RPRD2: variants seen among roughly 807,000 people sequenced by gnomAD.
RPRD2 encodes the protein regulation of nuclear pre-mRNA domain containing 2.
A neutral mutation model predicts 104.4 loss-of-function variants in RPRD2; 12 were observed. The observed-to-expected ratio is 0.11, with a 90% CI of 0.07 to 0.19. The LOEUF (loss-of-function observed/expected upper bound fraction) is 0.19, where lower values mean the gene tolerates loss of function less well. Ranked by LOEUF, RPRD2 falls within the 10% of genes least tolerant of loss-of-function variation. RPRD2 has a pLI of 1.00. For missense variants in RPRD2, 1,543 were observed against 1,790.1 expected (o/e 0.86, Z 2.49); for synonymous variants, 714 against 684.9 (o/e 1.04, Z -0.66).
intron 10 of RPRD2, among the ~76,000 whole-genome samples, chr1:150,468,278 C>T (rs1406630194): frequency 1.3e-5 from 2 of 150,756 alleles, no homozygotes; most frequent in East Asian, 4.0e-4. Context: ...TCACTTGAGG[C>T]CAGGAGTTTG....
At position 150,470,662 on chromosome 1, in the gene RPRD2, A is replaced by G. The variant is rs777781351; in HGVS notation, c.1714A>G (p.Thr572Ala). The G allele has an allele frequency of 1.2e-6, 2 of 1,613,976 alleles. No homozygotes were observed. The highest frequency in any genetic ancestry group is 1.7e-6 in the Non-Finnish European group (2 of 1,179,878). ...CTCCCCTGCCAACACCACAGTCTCT[A>G]CCATAAAGGGAAGAAATCTGCCCTC... is the stretch of plus-strand genomic sequence containing the variant. The part of the protein sequence containing the change: ...SASPANTTVS[T>A]IKGRNLPSSA... The change falls in exon 11 of 11, where the codon ACC (threonine) becomes GCC (alanine). Residue 572 changes from threonine to alanine, a missense_variant. By Grantham distance (58) the Thr-to-Ala change is moderately conservative. Transcript: ENST00000369068.
chr1:150,369,567 C>T (rs587665564), intron 1 of RPRD2, among the ~76,000 whole-genome samples: 39 of 141,202 alleles, frequency 2.8e-4, no homozygotes, highest in African/African-American at 9.9e-4. Flanking sequence ...CGCCATTCTC[C>T]TGCCTCAGCC....
chr1:150,425,022 A>G (rs935751303), intron 2 of RPRD2, among the ~76,000 whole-genome samples: 1 of 152,182 alleles, frequency 6.6e-6, no homozygotes, highest in African/African-American at 2.4e-5. Flanking sequence ...GTTTAAGACC[A>G]TAGTCTCTGG....
At chr1:150,388,940 T>C (rs1417077697) in intron 1 of RPRD2, among the ~76,000 whole-genome samples, 1 of 152,104 alleles carries the variant, frequency 6.6e-6, no homozygotes, top group African/African-American at 2.4e-5. Flanking sequence ...TTTTATGAAT[T>C]GCCTTAGTTT....
intron 1 of RPRD2, among the ~76,000 whole-genome samples, chr1:150,381,863 T>C (rs1661161129): frequency 6.6e-6 from 1 of 152,078 alleles, no homozygotes; most frequent in Non-Finnish European, 1.5e-5. Flanking sequence ...TATTGTACTG[T>C]TGTATGTTGG....
intron 2 of RPRD2, among the ~76,000 whole-genome samples, chr1:150,431,778 G>A (rs1665615760): frequency 6.6e-6 from 1 of 151,976 alleles, no homozygotes; most frequent in African/African-American, 2.4e-5. Context: ...ACTGCGCCCG[G>A]CCAAAAAGGA....
intron 1 of RPRD2, among the ~76,000 whole-genome samples, chr1:150,405,693 A>G (rs899907626): frequency 7.2e-5 from 11 of 152,180 alleles, no homozygotes; most frequent in Non-Finnish European, 1.6e-4. Flanking sequence ...CTGGTTAACC[A>G]TGCCTAAAAT....
chr1:150,417,495 AAAAT>A, intron 1 of RPRD2, 97 bp from the exon 2 acceptor site: 3 of 995,122 alleles, frequency 3.0e-6, no homozygotes, highest in Non-Finnish European at 4.2e-6. Flanking sequence ...TAAGAAAAAA[AAAAT>A]AACCAGTTAC....
chr1:150,364,666 C>A lies in RPRD2; in HGVS notation c.-49C>A. The A allele has an allele frequency of 9.1e-7, 1 of 1,104,070 alleles. No homozygotes were observed. Among genetic ancestry groups the A allele is most frequent in the Non-Finnish European group, 1.3e-6 (1 of 771,330 alleles). 68.4% of individuals were successfully genotyped at this position (1,104,070 alleles called of 1,614,324 possible). A position where few individuals can be genotyped will look rare whatever the true frequency, so the allele number is the denominator to read the frequency against. On this transcript the variant is annotated 5_prime_UTR_variant, in exon 1 of 11. Coordinates refer to ENST00000369068, the MANE Select transcript of RPRD2 (RefSeq NM_015203.5). ...TTGTTTTGCCCGCTCCCGCCGCCGC[C>A]GCCGCCGCCGCCGCCAGAGGAGCAG...
rs1388295948 is a variant in RPRD2 at position 150,387,566 on chromosome 1, CCTTTTTTT to C, written c.205+22648_205+22655del. ...TAAATCTTACAGAAGTTGCAACAGA[CCTTTTTTT>C]TTTTTTTTTTTTTTTTTTTTTTTTT... On this transcript the variant is annotated intron_variant, in intron 1 of 10. Transcript: ENST00000369068. 4.5e-3 allele frequency among the ~76,000 whole-genome samples: 318 copies of C among 70,106 alleles called. 28 individuals carry two copies. In the Middle Eastern group the frequency reaches 0.049, roughly 11 times the overall value. The allele number at this position is 70,106 out of a possible 152,430, so 46.0% of individuals were successfully genotyped here. A position where few individuals can be genotyped will look rare whatever the true frequency, so the allele number is the denominator to read the frequency against.
rs1553896876 is a variant in RPRD2 at position 150,452,661 on chromosome 1, C to CCTTTTT, written c.871-4627_871-4626insCTTTTT. Among the ~76,000 whole-genome samples, 3 of 71,234 alleles carry CCTTTTT rather than the reference C, an allele frequency of 4.2e-5. 1 individual carries two copies. The highest frequency in any genetic ancestry group is 1.7e-4 in the African/African-American group (3 of 17,456). 46.7% of individuals were successfully genotyped at this position (71,234 alleles called of 152,430 possible). ...TTTCTGTGTTCTTTTGACATATCCC[C>CCTTTTT]TTTTTTTTTTTTTTTTTTTTTTTTT... On this transcript the variant is annotated intron_variant, in intron 7 of 10. Coordinates refer to ENST00000369068, the MANE Select transcript of RPRD2 (RefSeq NM_015203.5).
At chr1:150,407,995 A>AC (rs1386013285) in intron 1 of RPRD2, among the ~76,000 whole-genome samples, 9 of 151,034 alleles carry the variant, frequency 6.0e-5, no homozygotes, top group Admixed American at 1.3e-4. Context: ...TGCAGCCTTG[A>AC]CCCCCCGGGC....
chr1:150,441,051 A>G, intron 3 of RPRD2, 28 bp downstream of exon 3: 1 of 1,179,786 alleles, frequency 8.5e-7, no homozygotes, highest in Non-Finnish European at 1.2e-6. Context: ...TCCTAAAAGA[A>G]AATTTTTGAG....
At chr1:150,428,525 G>T (rs192669899) in intron 2 of RPRD2, among the ~76,000 whole-genome samples, 2 of 149,026 alleles carry the variant, frequency 1.3e-5, no homozygotes, top group African/African-American at 4.9e-5. Flanking sequence ...TTTTGACTAA[G>T]TATTGACTGC....
rs782260513 is a variant in RPRD2, at chr1:150,364,234, GGAAA to G, written c.-474_-471del. On this transcript the variant is annotated 5_prime_UTR_variant, in exon 1 of 11. Transcript: ENST00000369068. Reference sequence around the variant, plus strand: ...CCTTTTCTGTGCTAGCGAGTCTAAAGGAAAGAAAGATTTCTGCAACTGAAGGGGC... The same window carrying G: ...CCTTTTCTGTGCTAGCGAGTCTAAAGGAAAGATTTCTGCAACTGAAGGGGC... Among the ~76,000 whole-genome samples the G allele has an allele frequency of 3.3e-5, 5 of 152,162 alleles. No individual in the cohort carries two copies. The East Asian group carries it at 7.7e-4, about 23-fold the overall frequency.
At chr1:150,438,974 A>G (rs1285062802) in intron 2 of RPRD2, among the ~76,000 whole-genome samples, 2 of 152,080 alleles carry the variant, frequency 1.3e-5, no homozygotes, top group African/African-American at 4.8e-5. Flanking sequence ...AGCTGGGATT[A>G]CAGGCATGTG....
chr1:150,439,357 T>C (rs1216753325), intron 2 of RPRD2, among the ~76,000 whole-genome samples: 1 of 152,082 alleles, frequency 6.6e-6, no homozygotes, highest in Non-Finnish European at 1.5e-5. Flanking sequence ...AAAGCAAATA[T>C]TGCAATAAAG....
chr1:150,387,567 CTTTTTTTTTTTTTTTTT>C (rs562476167), intron 1 of RPRD2, among the ~76,000 whole-genome samples: 51 of 73,790 alleles, frequency 6.9e-4, no homozygotes, highest in East Asian at 3.1e-3. Context: ...TGCAACAGAC[CTTTTTTTTTTTTTTTTT>C]TTTTTTTTTT....
rs587706588 is a variant in RPRD2 at position 150,395,966 on chromosome 1, A to G, written c.206-21630A>G. On this transcript the variant is annotated intron_variant, in intron 1 of 10. Coordinates refer to ENST00000369068, the MANE Select transcript of RPRD2 (RefSeq NM_015203.5). ...TAGTTTACATTCCCACCAGCAGTGT[A>G]GAAGTGTTCCCTTTTCACTGCATCC... 2.0e-5 allele frequency among the ~76,000 whole-genome samples: 3 copies of G among 152,346 alleles called. No individual in the cohort carries two copies. In the East Asian group the frequency reaches 5.8e-4, roughly 29 times the overall value.
Sources: gnomAD v4.1 joint callset for allele counts (sites outside exome capture counted in the v4.1 genomes callset) on GRCh38, gnomAD v4.1.1 for gene constraint, MANE v1.5 for transcripts, NCBI Gene and HGNC (gene_info 2026-07-23, HGNC 2026-07-21) for gene names.